Variants in NR5A2 observed in about 807,000 individuals in gnomAD.
NR5A2 encodes nuclear receptor subfamily 5 group A member 2, also known as CYP7A promoter-binding factor.
Under a neutral mutation model 62.7 loss-of-function variants are expected in NR5A2, and 26 were observed. The observed-to-expected ratio is 0.41, with a 90% CI of 0.30 to 0.58. The LOEUF (loss-of-function observed/expected upper bound fraction) is 0.58. Among genes scored for constraint, NR5A2 ranks in the 20% least tolerant of loss-of-function variants. NR5A2 has a pLI of 0.22. For missense variants in NR5A2, 541 were observed against 669.1 expected (o/e 0.81, Z 2.11); for synonymous variants, 246 against 241.7 (o/e 1.02, Z -0.16).
At position 200,147,206 on chromosome 1, in the gene NR5A2, G is replaced by T. The variant is rs1667743512; in HGVS notation, c.1378+26251G>T. 2.0e-5 allele frequency among the ~76,000 whole-genome samples: 3 copies of T among 152,164 alleles called. No homozygotes were observed. The highest frequency in any genetic ancestry group is 2.0e-4 in the Admixed American group (3 of 15,278). On this transcript the variant is annotated intron_variant, in intron 7 of 7. Transcript: ENST00000367362. This position sits in a 1 kb window ranked among gnomAD's most constrained non-coding sequence, Gnocchi z 4.9. ...ATTGTTTCACGCAAAAAATAGAGGG[G>T]GGCACCTCGCTGAAGCCAGCGAGGC...
chr1:200,034,730 C>G (rs1440912016), intron 1 of NR5A2, among the ~76,000 whole-genome samples: 1 of 145,486 alleles, frequency 6.9e-6, no homozygotes, highest in Non-Finnish European at 1.5e-5. Context: ...CCATCCTGCT[C>G]TAGGGGCTGA....
At position 200,141,012 on chromosome 1, in the gene NR5A2, C is replaced by T. The variant is rs552375998; in HGVS notation, c.1378+20057C>T. 4.1e-5 allele frequency among the ~76,000 whole-genome samples: 6 copies of T among 147,544 alleles called. No homozygotes were observed. The East Asian group carries it at 1.2e-3, about 29-fold the overall frequency. On this transcript the variant is annotated intron_variant, in intron 7 of 7. Coordinates refer to ENST00000367362, the MANE Select transcript of NR5A2 (RefSeq NM_205860.3). ...TGCCATTGCACTCCAGCCTGGGCAA[C>T]AAGAGATAACTCCATCTCTAAACAA... is the stretch of plus-strand genomic sequence containing the variant.
chr1:200,036,959 C>T (rs1661806849), intron 1 of NR5A2, among the ~76,000 whole-genome samples: 1 of 152,198 alleles, frequency 6.6e-6, no homozygotes, highest in Non-Finnish European at 1.5e-5. Flanking sequence ...CAGTCCCCAG[C>T]CACCGTTCCC....
chr1:200,127,865 T>C (rs973757683), intron 7 of NR5A2, among the ~76,000 whole-genome samples: 1 of 148,958 alleles, frequency 6.7e-6, no homozygotes, highest in African/African-American at 2.5e-5. Flanking sequence ...TGATCCCCCT[T>C]GTATACCAAG....
At chr1:200,113,558 G>A (rs2816974) in intron 6 of NR5A2, among the ~76,000 whole-genome samples, 1 of 152,120 alleles carries the variant, frequency 6.6e-6, no homozygotes, top group East Asian at 1.9e-4. Flanking sequence ...TCTTAAAGCA[G>A]GGTCATATAC....
intron 1 of NR5A2, among the ~76,000 whole-genome samples, chr1:200,034,723 T>C (rs1661691230): frequency 6.8e-6 from 1 of 146,926 alleles, no homozygotes; most frequent in South Asian, 2.3e-4. Context: ...TCAATCGCCA[T>C]CCTGCTCTAG....
Position 200,147,811 on chromosome 1 carries a change from A to C in NR5A2, c.1379-26152A>C. On this transcript the variant is annotated intron_variant, in intron 7 of 7. Coordinates refer to ENST00000367362, the MANE Select transcript of NR5A2 (RefSeq NM_205860.3). This position sits in a 1 kb window ranked among gnomAD's most constrained non-coding sequence, Gnocchi z 4.9. ...ACGGTGGGCAGCCGCCGTGGCGTCC[A>C]GCACCAGGTCCTGGCTGCAGCCATT... 2.1e-6 allele frequency: 1 copy of C among 485,296 alleles called. No homozygotes were observed. The highest frequency in any genetic ancestry group is 3.9e-6 in the Non-Finnish European group (1 of 257,290). The allele number at this position is 485,296 out of a possible 1,614,324, so 30.1% of individuals were successfully genotyped here. A position where few individuals can be genotyped will look rare whatever the true frequency, so the allele number is the denominator to read the frequency against.
chr1:200,168,236 G>C (rs1277102284), intron 7 of NR5A2, among the ~76,000 whole-genome samples: 4 of 147,114 alleles, frequency 2.7e-5, no homozygotes, highest in Non-Finnish European at 4.5e-5. Flanking sequence ...TTAAGAGACA[G>C]GGTCTCACTC....
chr1:200,040,668 G>A (rs921537591), intron 2 of NR5A2, among the ~76,000 whole-genome samples: 4 of 152,194 alleles, frequency 2.6e-5, no homozygotes, highest in Non-Finnish European at 5.9e-5. Context: ...CCCTTCCAGG[G>A]TGCAGGATGT....
At chr1:200,148,822 C>T (rs1667847007) in intron 7 of NR5A2, among the ~76,000 whole-genome samples, 1 of 151,688 alleles carries the variant, frequency 6.6e-6, no homozygotes, top group South Asian at 2.1e-4. Context: ...ATCCTATGAG[C>T]ATTTCCTGTC....
intron 1 of NR5A2, among the ~76,000 whole-genome samples, chr1:200,031,419 G>T (rs1661543092): frequency 6.6e-6 from 1 of 151,992 alleles, no homozygotes; most frequent in South Asian, 2.1e-4. Context: ...AGGGCTTGGG[G>T]GTTGAGGTAG....
intron 5 of NR5A2, among the ~76,000 whole-genome samples, chr1:200,109,874 C>T (rs565495560): frequency 2.5e-4 from 38 of 152,274 alleles, no homozygotes; most frequent in African/African-American, 7.9e-4. Flanking sequence ...AAGTGATTCT[C>T]CTGCCTCAGC....
At chr1:200,076,276 G>A (rs887776499) in intron 5 of NR5A2, among the ~76,000 whole-genome samples, 1 of 152,134 alleles carries the variant, frequency 6.6e-6, no homozygotes, top group Non-Finnish European at 1.5e-5. Context: ...TTGTGGCTCA[G>A]CAACTTGTGA....
chr1:200,101,964 T>C (rs769832678), intron 5 of NR5A2, among the ~76,000 whole-genome samples: 3 of 152,248 alleles, frequency 2.0e-5, no homozygotes, highest in Non-Finnish European at 4.4e-5. Context: ...CTGGTGATTA[T>C]ATGTTTCTTC....
intron 7 of NR5A2, among the ~76,000 whole-genome samples, chr1:200,156,648 C>G (rs557381078): frequency 6.6e-6 from 1 of 152,148 alleles, no homozygotes; most frequent in East Asian, 1.9e-4. Flanking sequence ...CCACCCGCCT[C>G]GGCCTCCCAA....
intron 1 of NR5A2, chr1:200,038,686 C>G: frequency 7.3e-7 from 1 of 1,366,208 alleles, no homozygotes; most frequent in South Asian, 1.1e-5. Context: ...ATCCCTTCTT[C>G]TTGCTTCCCC....
chr1:200,110,629 T>C (rs995956643), intron 5 of NR5A2, among the ~76,000 whole-genome samples: 1 of 152,114 alleles, frequency 6.6e-6, no homozygotes, highest in Non-Finnish European at 1.5e-5. Context: ...GCTTGGTGAG[T>C]GTTCTCTTCA....
intron 5 of NR5A2, among the ~76,000 whole-genome samples, chr1:200,090,137 C>T (rs1664750840): frequency 6.6e-6 from 1 of 152,164 alleles, no homozygotes; most frequent in Non-Finnish European, 1.5e-5. Flanking sequence ...CTCTTTCCAA[C>T]CTCTTTCTTG....
At chr1:200,173,570 A>G (rs1181661918) in intron 7 of NR5A2, among the ~76,000 whole-genome samples, 1 of 152,234 alleles carries the variant, frequency 6.6e-6, no homozygotes, top group Non-Finnish European at 1.5e-5. Context: ...AGAAAAATTA[A>G]TACAGAATTA....
Sources: allele counts gnomAD v4.1 joint callset (sites outside exome capture counted in the v4.1 genomes callset), GRCh38; gene constraint gnomAD v4.1.1; non-coding constraint Gnocchi (gnomAD v3.1); transcripts MANE v1.5; gene names NCBI Gene and HGNC (gene_info 2026-07-23, HGNC 2026-07-21).